Variants in UBE4B observed in about 807,000 individuals in gnomAD.
The protein encoded by UBE4B is ubiquitin conjugation factor E4 B.
Under a neutral mutation model 148.1 loss-of-function variants are expected in UBE4B, and 27 were observed. That is an observed-to-expected ratio of 0.18 (90% CI 0.13 to 0.25). The LOEUF (loss-of-function observed/expected upper bound fraction) is 0.25, where lower values mean the gene tolerates loss of function less well. Among genes scored for constraint, UBE4B ranks in the 10% least tolerant of loss-of-function variants. The probability of loss-of-function intolerance (pLI) is 1.00; values close to 1 mark genes in which losing one functional copy is unlikely to be tolerated. For missense variants in UBE4B, 1,170 were observed against 1,662.4 expected (o/e 0.70, Z 5.15); for synonymous variants, 596 against 619.3 (o/e 0.96, Z 0.56).
chr1:10,147,112 T>C, intron 19 of UBE4B, 22 bp downstream of exon 19: 1 of 1,613,984 alleles, frequency 6.2e-7, no homozygotes, highest in Non-Finnish European at 8.5e-7. Flanking sequence ...TCTTCCTGTT[T>C]CCCTTGTCCC....
intron 2 of UBE4B, chr1:10,073,069 G>A (rs1371085557): frequency 6.6e-6 from 1 of 152,236 alleles, no homozygotes; most frequent in African/African-American, 2.4e-5. Flanking sequence ...TATACCTAAT[G>A]TGGTTCAACC....
intron 1 of UBE4B, among the ~76,000 whole-genome samples, chr1:10,057,232 T>G (rs1644190251): frequency 6.6e-6 from 1 of 152,192 alleles, no homozygotes; most frequent in Middle Eastern, 3.4e-3. Context: ...GCTGGCAGAA[T>G]GGGGTTAGGC....
intron 1 of UBE4B, among the ~76,000 whole-genome samples, chr1:10,071,779 C>T (rs1018301298): frequency 6.6e-6 from 1 of 152,152 alleles, no homozygotes; most frequent in Non-Finnish European, 1.5e-5. Flanking sequence ...ATTACCCCCA[C>T]CTCACCCTCC....
intron 19 of UBE4B, among the ~76,000 whole-genome samples, chr1:10,147,602 A>G (rs1645896156): frequency 6.6e-6 from 1 of 152,236 alleles, no homozygotes; most frequent in Admixed American, 6.5e-5. Context: ...TAATAGGCAA[A>G]TGTCAACACC....
chr1:10,107,897 C>T (rs1279737032), intron 7 of UBE4B, among the ~76,000 whole-genome samples: 1 of 151,928 alleles, frequency 6.6e-6, no homozygotes, highest in Non-Finnish European at 1.5e-5. Flanking sequence ...TCAGAGTTGT[C>T]GCCTGGCAAG....
chr1:10,129,532 A>G, intron 12 of UBE4B, 84 bp downstream of exon 12: 2 of 1,393,080 alleles, frequency 1.4e-6, no homozygotes, highest in East Asian at 4.6e-5. Context: ...ATGGCCTGGA[A>G]AATGTCTCTT....
At chr1:10,041,655 G>A (rs1643774308) in intron 1 of UBE4B, among the ~76,000 whole-genome samples, 1 of 151,804 alleles carries the variant, frequency 6.6e-6, no homozygotes, top group Non-Finnish European at 1.5e-5. Context: ...CATTCTTACG[G>A]TCCCTTCTGA....
intron 6 of UBE4B, 57 bp downstream of exon 6, chr1:10,105,801 A>AG: frequency 6.6e-7 from 1 of 1,516,626 alleles, no homozygotes; most frequent in Non-Finnish European, 9.0e-7. Flanking sequence ...TGAACTACGT[A>AG]GGAGAAGGGA....
intron 20 of UBE4B, among the ~76,000 whole-genome samples, chr1:10,150,561 A>C (rs916979605): frequency 2.0e-5 from 3 of 152,228 alleles, no homozygotes; most frequent in African/African-American, 7.2e-5. Context: ...GTCTTGTTAC[A>C]GTGTGAATAG....
At chr1:10,067,143 C>G (rs1431153823) in intron 1 of UBE4B, among the ~76,000 whole-genome samples, 1 of 152,150 alleles carries the variant, frequency 6.6e-6, no homozygotes, top group Non-Finnish European at 1.5e-5. Context: ...GTCTTAGCTT[C>G]TGCCTGCAAT....
intron 10 of UBE4B, among the ~76,000 whole-genome samples, chr1:10,122,282 C>T (rs897589981): frequency 6.6e-6 from 1 of 152,128 alleles, no homozygotes; most frequent in African/African-American, 2.4e-5. Context: ...AGTCAAACAT[C>T]TATCTTCTAA....
intron 17 of UBE4B, among the ~76,000 whole-genome samples, chr1:10,138,144 C>T (rs1286602370): frequency 6.7e-6 from 1 of 150,170 alleles, no homozygotes; most frequent in Admixed American, 6.7e-5. Flanking sequence ...GTAGTCCAGG[C>T]TGGAGTCCAA....
At chr1:10,100,911 C>A in intron 3 of UBE4B, 197 bp from the exon 4 acceptor site, 1 of 538,472 alleles carries the variant, frequency 1.9e-6, no homozygotes, top group Non-Finnish European at 3.3e-6. Context: ...AAAATATTTC[C>A]AACATGTATA....
At chr1:10,147,509 T>A (rs376791603) in intron 19 of UBE4B, among the ~76,000 whole-genome samples, 3 of 152,154 alleles carry the variant, frequency 2.0e-5, no homozygotes, top group African/African-American at 7.2e-5. Flanking sequence ...AAAAAAAAGA[T>A]AATTCACTTC....
chr1:10,060,794 C>T (rs1467755892), intron 1 of UBE4B, among the ~76,000 whole-genome samples: 3 of 151,908 alleles, frequency 2.0e-5, no homozygotes, highest in Non-Finnish European at 4.4e-5. Context: ...CAGTCTCACT[C>T]TGTTGCCTAG....
At chr1:10,066,858 A>G (rs1424770829) in intron 1 of UBE4B, among the ~76,000 whole-genome samples, 1 of 152,164 alleles carries the variant, frequency 6.6e-6, no homozygotes, top group Non-Finnish European at 1.5e-5. Flanking sequence ...GTGAGCCAAG[A>G]TCACGCTACC....
At chr1:10,047,602 C>T (rs1364196371) in intron 1 of UBE4B, among the ~76,000 whole-genome samples, 1 of 150,944 alleles carries the variant, frequency 6.6e-6, no homozygotes, top group Non-Finnish European at 1.5e-5. Flanking sequence ...ACGCCATTCT[C>T]CTGCCTCAGC....
At chr1:10,064,271 A>G (rs557963324) in intron 1 of UBE4B, among the ~76,000 whole-genome samples, 5 of 152,312 alleles carry the variant, frequency 3.3e-5, no homozygotes, top group East Asian at 1.9e-4. Flanking sequence ...GCTCTCTGGG[A>G]TGATTCAGTT....
chr1:10,050,401 C>T (rs915858463), intron 1 of UBE4B, among the ~76,000 whole-genome samples: 3 of 152,142 alleles, frequency 2.0e-5, no homozygotes, highest in Non-Finnish European at 4.4e-5. Flanking sequence ...ATATATCAGG[C>T]ATAGCCAAAT....
Sources: allele counts gnomAD v4.1 joint callset (sites outside exome capture counted in the v4.1 genomes callset), GRCh38; gene constraint gnomAD v4.1.1; transcripts MANE v1.5; gene names NCBI Gene and HGNC (gene_info 2026-07-23, HGNC 2026-07-21).